The following ST18 variants were observed in gnomAD, a reference collection of about 807,000 sequenced individuals.
ST18 encodes the protein ST18 C2H2C-type zinc finger transcription factor.
In ST18, 50 loss-of-function variants were observed where a neutral mutation model predicts 110.0. The observed-to-expected ratio is 0.45, with a 90% CI of 0.36 to 0.58. The LOEUF is 0.58. Ranked by LOEUF, ST18 falls within the 20% of genes least tolerant of loss-of-function variation. The pLI, the probability that ST18 is intolerant of heterozygous loss-of-function variation, is 0.00. For missense variants in ST18, 1,306 were observed against 1,280.1 expected, an observed-to-expected ratio of 1.02 and a Z score of -0.31; for synonymous variants, 461 against 452.4, an observed-to-expected ratio of 1.02 and a Z score of -0.24.
chr8:52,216,516 A>G (rs997696249), intron 6 of ST18, among the ~76,000 whole-genome samples: 1 of 152,332 alleles, frequency 6.6e-6, no homozygotes, highest in African/African-American at 2.4e-5. Context: ...ATAAAACTCA[A>G]CTGTTTCACT....
At chr8:52,226,760 T>A (rs919655822) in intron 3 of ST18, among the ~76,000 whole-genome samples, 16 of 152,238 alleles carry the variant, frequency 1.1e-4, no homozygotes, top group Non-Finnish European at 1.6e-4. Flanking sequence ...AAAACATTTT[T>A]AATAAAGTTC....
chr8:52,153,562 A>C (rs2059319034), intron 15 of ST18, among the ~76,000 whole-genome samples: 1 of 152,220 alleles, frequency 6.6e-6, no homozygotes, highest in African/African-American at 2.4e-5. Flanking sequence ...TTAGATTATA[A>C]ATTTGTGAAA....
At chr8:52,355,943 G>A (rs1042006868) in intron 2 of ST18, among the ~76,000 whole-genome samples, 9 of 152,194 alleles carry the variant, frequency 5.9e-5, no homozygotes, top group Non-Finnish European at 1.0e-4. Context: ...AAAGATGCAA[G>A]TATTGAGCAC....
At chr8:52,342,416 T>A (rs1815519926) in intron 2 of ST18, among the ~76,000 whole-genome samples, 1 of 152,166 alleles carries the variant, frequency 6.6e-6, no homozygotes, top group South Asian at 2.1e-4. Flanking sequence ...CCAACTGCTG[T>A]TGCTAAAGAG....
chr8:52,260,213 A>G (rs2094643506), intron 2 of ST18, among the ~76,000 whole-genome samples: 1 of 152,184 alleles, frequency 6.6e-6, no homozygotes, highest in Admixed American at 6.5e-5. Flanking sequence ...GTATCTATGT[A>G]TATTTCTATA....
intron 2 of ST18, among the ~76,000 whole-genome samples, chr8:52,249,083 A>G (rs1471021272): frequency 4.6e-5 from 7 of 152,164 alleles, no homozygotes; most frequent in Non-Finnish European, 8.8e-5. Context: ...TGGCAAAAGC[A>G]CCATTTCTCC....
chr8:52,304,671 TA>T (rs2095786024), intron 2 of ST18, among the ~76,000 whole-genome samples: 1 of 152,246 alleles, frequency 6.6e-6, no homozygotes, highest in Non-Finnish European at 1.5e-5. Context: ...CTTGGGCTGC[TA>T]TTACAAATTA....
chr8:52,231,844 G>T (rs1031533315), intron 2 of ST18, among the ~76,000 whole-genome samples: 7 of 152,204 alleles, frequency 4.6e-5, no homozygotes, highest in African/African-American at 1.7e-4. Flanking sequence ...AGGTTCTCCT[G>T]CTGCTCCATG....
At chr8:52,195,865 G>T (rs781212663) in intron 8 of ST18, among the ~76,000 whole-genome samples, 7 of 152,074 alleles carry the variant, frequency 4.6e-5, no homozygotes, top group Non-Finnish European at 8.8e-5. Flanking sequence ...AACAATAAGA[G>T]CTGTGAAATG....
chr8:52,166,845 T>C lies in ST18; in HGVS notation c.1204+7A>G, dbSNP rs1305611059. 6.4e-7 allele frequency: 1 copy of C among 1,571,488 alleles called. No homozygotes were observed. Among genetic ancestry groups the C allele is most frequent in the Admixed American group, 1.7e-5 (1 of 57,648 alleles). ...AGCAGAAGCTTTGAGGGACAAGTGG[T>C]ACTCACTTTCCAGGGGAACCCGCAC... On this transcript the variant is annotated splice_region_variant and intron_variant, in intron 11 of 25. Coordinates refer to ENST00000689386, the MANE Select transcript of ST18 (RefSeq NM_001352837.2).
chr8:52,129,157 C>A (rs2048223142), intron 22 of ST18, among the ~76,000 whole-genome samples: 1 of 152,060 alleles, frequency 6.6e-6, no homozygotes. Context: ...AGGCGTTTTG[C>A]CATATTATTC....
chr8:52,161,553 C>G lies in ST18; in HGVS notation c.1416G>C (p.Lys472Asn), dbSNP rs761499857. The change falls in exon 14 of 26, where the codon AAG becomes AAC. Residue 472 changes from lysine to asparagine, a missense_variant. Physicochemically the swap from Lys to Asn is moderately conservative, Grantham distance 94. Coordinates refer to ENST00000689386, the MANE Select transcript of ST18 (RefSeq NM_001352837.2). ...GTGACGGGAAATTGAATTCAATTTG[C>G]TTCACCAAACTTGTCCTGGAGAGGG... ...PDQAHRTSLVKQIEFNFPSQA... is the reference protein window; with the variant it reads ...PDQAHRTSLVNQIEFNFPSQA... The G allele has an allele frequency of 6.2e-7, 1 of 1,613,970 alleles. No individual in the cohort carries two copies. The highest frequency in any genetic ancestry group is 8.5e-7 in the Non-Finnish European group (1 of 1,179,986).
At chr8:52,351,332 C>A (rs752864226) in intron 2 of ST18, among the ~76,000 whole-genome samples, 4 of 152,178 alleles carry the variant, frequency 2.6e-5, no homozygotes, top group Admixed American at 6.5e-5. Context: ...TTCACTGAAT[C>A]TGCAGAGTAC....
intron 2 of ST18, among the ~76,000 whole-genome samples, chr8:52,378,314 T>C (rs1369141955): frequency 6.6e-6 from 1 of 152,238 alleles, no homozygotes; most frequent in Non-Finnish European, 1.5e-5. Flanking sequence ...GTTACCCTGA[T>C]TGACCATTAC....
chr8:52,198,874 T>G (rs1225398689), intron 8 of ST18, among the ~76,000 whole-genome samples: 1 of 152,150 alleles, frequency 6.6e-6, no homozygotes, highest in Non-Finnish European at 1.5e-5. Flanking sequence ...TACCTGTGCC[T>G]TCCTCCACAT....
chr8:52,262,790 T>C (rs1477081427), intron 2 of ST18, among the ~76,000 whole-genome samples: 2 of 152,210 alleles, frequency 1.3e-5, no homozygotes, highest in African/African-American at 4.8e-5. Flanking sequence ...TACCTCCTAC[T>C]CGCTGCACAC....
chr8:52,209,784 A>ATATAT (rs1399614092), intron 8 of ST18, among the ~76,000 whole-genome samples: 2 of 138,256 alleles, frequency 1.4e-5, no homozygotes, highest in African/African-American at 5.5e-5. Context: ...AAAAAAAAAA[A>ATATAT]AAAAATATAT....
chr8:52,322,307 A>T (rs1440723782), intron 2 of ST18, among the ~76,000 whole-genome samples: 2 of 152,146 alleles, frequency 1.3e-5, no homozygotes, highest in Non-Finnish European at 2.9e-5. Flanking sequence ...TTCCTAGTAG[A>T]TCTCTCCTTC....
intron 2 of ST18, among the ~76,000 whole-genome samples, chr8:52,266,354 A>T (rs2094868300): frequency 6.6e-6 from 1 of 152,024 alleles, no homozygotes; most frequent in Non-Finnish European, 1.5e-5. Context: ...TAAACTGGAG[A>T]TGTTGTTTTG....
Sources: allele counts gnomAD v4.1 joint callset (sites outside exome capture counted in the v4.1 genomes callset), GRCh38; gene constraint gnomAD v4.1.1; transcripts MANE v1.5; gene names NCBI Gene and HGNC (gene_info 2026-07-23, HGNC 2026-07-21).